The following TAFA2 variants were observed in gnomAD, a reference collection of about 807,000 sequenced individuals.
The protein encoded by TAFA2 is TAFA chemokine like family member 2.
A neutral mutation model predicts 18.8 loss-of-function variants in TAFA2; 7 were observed. The ratio of observed to expected loss-of-function variants is 0.37; its 90% confidence interval spans 0.21 to 0.70. The LOEUF is 0.70. Among genes scored for constraint, TAFA2 ranks in the 30% least tolerant of loss-of-function variants. The pLI is 0.53. For synonymous variants in TAFA2, 60 were observed against 54.2 expected (o/e 1.11, Z -0.47); for missense variants, 122 against 158.1 (o/e 0.77, Z 1.23).
chr12:62,075,367 C>T (rs1385788323), intron 1 of TAFA2, among the ~76,000 whole-genome samples: 2 of 152,136 alleles, frequency 1.3e-5, no homozygotes, highest in African/African-American at 2.4e-5. Flanking sequence ...AGAGGGCATA[C>T]ATCCCCAGGC....
At chr12:61,851,518 T>G (rs1018001927) in intron 2 of TAFA2, among the ~76,000 whole-genome samples, 3 of 151,994 alleles carry the variant, frequency 2.0e-5, no homozygotes, top group African/African-American at 7.2e-5. Context: ...GGCTCACGCC[T>G]GCAATCCCAG....
At chr12:62,122,256 C>T (rs1455427230) in intron 1 of TAFA2, among the ~76,000 whole-genome samples, 1 of 152,146 alleles carries the variant, frequency 6.6e-6, no homozygotes, top group Non-Finnish European at 1.5e-5. Flanking sequence ...TGATTTACCT[C>T]AATGAATCCG....
chr12:62,202,622 C>T (rs1267803884), intron 1 of TAFA2, among the ~76,000 whole-genome samples: 1 of 151,670 alleles, frequency 6.6e-6, no homozygotes, highest in Non-Finnish European at 1.5e-5. Context: ...GTGCCCGGTC[C>T]TTTCTAGCTT....
intron 1 of TAFA2, among the ~76,000 whole-genome samples, chr12:62,220,623 T>C (rs1437999646): frequency 1.3e-5 from 2 of 152,218 alleles, no homozygotes; most frequent in Non-Finnish European, 2.9e-5. Flanking sequence ...TGTAAGTTCA[T>C]TGACTGTAAC....
chr12:62,057,384 T>C (rs1301891514), intron 1 of TAFA2, among the ~76,000 whole-genome samples: 3 of 152,162 alleles, frequency 2.0e-5, no homozygotes, highest in Non-Finnish European at 2.9e-5. Flanking sequence ...AGATGTTATG[T>C]TAGTCTTCTC....
At chr12:62,237,081 CTT>C (rs1190975186) in intron 1 of TAFA2, among the ~76,000 whole-genome samples, 2 of 152,186 alleles carry the variant, frequency 1.3e-5, no homozygotes, top group African/African-American at 2.4e-5. Flanking sequence ...ACCAATGACT[CTT>C]ATATTTTTCT....
intron 2 of TAFA2, among the ~76,000 whole-genome samples, chr12:61,802,531 C>T (rs1424894918): frequency 6.6e-6 from 1 of 151,986 alleles, no homozygotes; most frequent in African/African-American, 2.4e-5. Flanking sequence ...CATGTTCTCA[C>T]TCATATGAGG....
intron 2 of TAFA2, among the ~76,000 whole-genome samples, chr12:61,810,050 T>C (rs1871800671): frequency 6.6e-6 from 1 of 151,408 alleles, no homozygotes; most frequent in South Asian, 2.1e-4. Flanking sequence ...TTTCCTTCTC[T>C]CATGATCTTT....
intron 1 of TAFA2, among the ~76,000 whole-genome samples, chr12:62,206,534 T>TC (rs1381021480): frequency 1.4e-5 from 2 of 146,494 alleles, no homozygotes; most frequent in East Asian, 3.9e-4. Context: ...CACTAGCAAC[T>TC]TTTTTTTTTT....
Position 62,219,192 on chromosome 12 carries a change from A to G in TAFA2, c.-130+39571T>C, listed in dbSNP as rs557081376. Among the ~76,000 whole-genome samples, 6 of 152,268 alleles carry G rather than the reference A, an allele frequency of 3.9e-5. No individual in the cohort carries two copies. In the South Asian group the frequency reaches 1.2e-3, roughly 32 times the overall value. ...ATATGCTCCAGCTTTGAAAAAAAAA[A>G]CTTAGGTTAACATAAAAGAATTCAA... is the stretch of plus-strand genomic sequence containing the variant. On this transcript the variant is annotated intron_variant, in intron 1 of 5. Coordinates refer to the TAFA2 transcript ENST00000551619.
chr12:61,955,394 G>C (rs1310948434), intron 1 of TAFA2, among the ~76,000 whole-genome samples: 1 of 151,190 alleles, frequency 6.6e-6, no homozygotes, highest in Non-Finnish European at 1.5e-5. Context: ...AAGAGGTCAA[G>C]AGATCGAGAC....
chr12:61,766,825 A>G (rs1330912338), intron 2 of TAFA2, among the ~76,000 whole-genome samples: 1 of 152,160 alleles, frequency 6.6e-6, no homozygotes, highest in Non-Finnish European at 1.5e-5. Context: ...TGGAAATTGT[A>G]AAAACATTTG....
intron 2 of TAFA2, among the ~76,000 whole-genome samples, chr12:61,819,069 T>G (rs1284047629): frequency 6.6e-6 from 1 of 152,188 alleles, no homozygotes; most frequent in Non-Finnish European, 1.5e-5. Flanking sequence ...CCTTCCATAT[T>G]TTATTGTGAA....
intron 2 of TAFA2, among the ~76,000 whole-genome samples, chr12:61,836,756 T>TATATATATATATATATATATATACACAC (rs68158949): frequency 8.3e-6 from 1 of 119,848 alleles, no homozygotes; most frequent in African/African-American, 2.8e-5. Context: ...TATATATATA[T>TATATATATATATATATATATATACACAC]ACACACACAC....
chr12:62,019,132 C>A (rs1350366573), intron 1 of TAFA2, among the ~76,000 whole-genome samples: 1 of 152,158 alleles, frequency 6.6e-6, no homozygotes, highest in African/African-American at 2.4e-5. Context: ...GAGATACCAT[C>A]TCACACCAGT....
intron 1 of TAFA2, among the ~76,000 whole-genome samples, chr12:62,188,437 T>G (rs921315642): frequency 7.9e-5 from 12 of 152,206 alleles, no homozygotes; most frequent in Admixed American, 2.0e-4. Flanking sequence ...TGATGACACT[T>G]TGGAACATTC....
intron 1 of TAFA2, among the ~76,000 whole-genome samples, chr12:61,899,204 GC>G (rs1218972395): frequency 1.3e-5 from 2 of 152,094 alleles, no homozygotes; most frequent in South Asian, 2.1e-4. Context: ...CTTCTTCTGA[GC>G]CCCCCAAACT....
chr12:61,814,830 C>T (rs1565643406), intron 2 of TAFA2, among the ~76,000 whole-genome samples: 1 of 151,388 alleles, frequency 6.6e-6, no homozygotes, highest in Non-Finnish European at 1.5e-5. Context: ...AGATGCTATG[C>T]TGCTGGCTTT....
chr12:61,737,765 A>C (rs914447020), intron 4 of TAFA2, among the ~76,000 whole-genome samples: 1 of 151,938 alleles, frequency 6.6e-6, no homozygotes, highest in Admixed American at 6.6e-5. Context: ...TTTGCTTAAA[A>C]TTATCATTAT....
Sources: allele counts gnomAD v4.1 joint callset (sites outside exome capture counted in the v4.1 genomes callset), GRCh38; gene constraint gnomAD v4.1.1; transcripts MANE v1.5; gene names NCBI Gene and HGNC (gene_info 2026-07-23, HGNC 2026-07-21).